The following GUSB variants were observed in gnomAD, a reference collection of about 807,000 sequenced individuals.
The protein encoded by GUSB is beta-glucuronidase.
In GUSB, 51 loss-of-function variants were observed where a neutral mutation model predicts 74.6. The observed-to-expected ratio is 0.68, with a 90% CI of 0.55 to 0.86. The LOEUF (loss-of-function observed/expected upper bound fraction) is 0.86. GUSB is among the 40% of genes least tolerant of loss of function. GUSB has a pLI of 0.00. For missense variants in GUSB, 736 were observed against 853.7 expected (o/e 0.86, Z 1.72); for synonymous variants, 360 against 348.3 (o/e 1.03, Z -0.37).
Position 65,971,499 on chromosome 7 carries a change from C to T in GUSB, c.1392-1133G>A, listed in dbSNP as rs192982652. ...ATCCCAACACTTTGGGAGGCCGAGG[C>T]GGGTGGATCATGAGGTCAAGAGTTT... is the stretch of plus-strand genomic sequence containing the variant. On this transcript the variant is annotated intron_variant, in intron 8 of 11. Coordinates refer to ENST00000304895, the MANE Select transcript of GUSB (RefSeq NM_000181.4). Among the ~76,000 whole-genome samples, 284 of 151,966 alleles carry T rather than the reference C, an allele frequency of 1.9e-3. 3 individuals carry two copies. The highest frequency in any genetic ancestry group is 6.7e-3 in the African/African-American group (276 of 41,464).
At position 65,967,832 on chromosome 7, in the gene GUSB, G is replaced by C; in HGVS notation, c.1552C>G (p.Gln518Glu). 6.2e-7 allele frequency: 1 copy of C among 1,610,226 alleles called. No homozygotes were observed. ...TCAAACTGGGTGGCCAGCTGCAGCT[G>C]AATCAACTCCAGGTGCCCGTAGTCG... is the stretch of plus-strand genomic sequence containing the variant. ...YHDYGHLELI[Q>E]LQLATQFENW... is the part of the protein sequence containing the mutation. Residue 518 changes from glutamine to glutamate, a missense_variant, in exon 10 of 12, where the codon CAG becomes GAG. Gln to Glu is a conservative substitution (Grantham distance 29, BLOSUM62 2). Coordinates refer to ENST00000304895, the MANE Select transcript of GUSB (RefSeq NM_000181.4).
At position 65,960,860 on chromosome 7, in the gene GUSB, C is replaced by T. The variant is rs757993425; in HGVS notation, c.*37G>A. 23 of 1,591,346 alleles carry T rather than the reference C, an allele frequency of 1.4e-5. No homozygotes were observed. The Admixed American group carries it at 3.3e-4, about 23-fold the overall frequency. On this transcript the variant is annotated 3_prime_UTR_variant, in exon 12 of 12. Transcript: ENST00000304895. ...TGCTGCTGTGGAAGTCGCCCTGACT[C>T]GGGGAGGAAGGGACACGCAGGTGGT...
chr7:65,970,910 A>AG (rs1201988668), intron 8 of GUSB, among the ~76,000 whole-genome samples: 2 of 151,460 alleles, frequency 1.3e-5, no homozygotes, highest in Non-Finnish European at 2.9e-5. Context: ...ACAAAAACAA[A>AG]GGGGAAAAAA....
chr7:65,982,022 G>T lies in GUSB; in HGVS notation c.162C>A (p.Asn54Lys). 1 of 1,610,446 alleles carries T rather than the reference G, an allele frequency of 6.2e-7. No individual in the cohort carries two copies. ...LWSFRADFSD[N>K]RRRGFEEQWY... is the part of the protein sequence containing the mutation. ...ACTGCTCCTCGAAGCCCCGGCGTCG[G>T]TTGTCAGAGAAGTCGGCGCGGAAGC... Residue 54 changes from asparagine (N) to lysine (K), a missense_variant, in exon 1 of 12, where the codon AAC (asparagine) becomes AAA (lysine). Asn to Lys is a moderately conservative substitution (Grantham distance 94). Around this residue, in one of 2 missense-constraint regions of GUSB, gnomAD observed 368 missense variants for 363.8 expected, o/e 1.01. Transcript: ENST00000304895.
chr7:65,965,013 G>A (rs1790740632), intron 10 of GUSB, among the ~76,000 whole-genome samples: 1 of 151,998 alleles, frequency 6.6e-6, no homozygotes, highest in African/African-American at 2.4e-5. Flanking sequence ...AAGCGACAGT[G>A]AGCTGTGTTC....
intron 4 of GUSB, among the ~76,000 whole-genome samples, chr7:65,976,490 G>T (rs1470543628): frequency 6.6e-6 from 1 of 151,844 alleles, no homozygotes; most frequent in East Asian, 2.0e-4. Flanking sequence ...CATGCTTGGC[G>T]AATTTTTATA....
intron 11 of GUSB, among the ~76,000 whole-genome samples, chr7:65,963,457 T>C (rs1490866173): frequency 6.6e-6 from 1 of 152,174 alleles, no homozygotes; most frequent in African/African-American, 2.4e-5. Flanking sequence ...GGTAAGTCCA[T>C]AAACTAAGAA....
chr7:65,968,514 C>A (rs1790991324), intron 9 of GUSB, among the ~76,000 whole-genome samples: 1 of 152,212 alleles, frequency 6.6e-6, no homozygotes, highest in African/African-American at 2.4e-5. Flanking sequence ...ACTCCCATCA[C>A]TGGGCTTCCC....
Position 65,964,453 on chromosome 7 carries a change from T to G in GUSB, c.1659A>C (p.Pro553=). 1 of 1,610,898 alleles carries G rather than the reference T, an allele frequency of 6.2e-7. No homozygotes were observed. The highest frequency in any genetic ancestry group is 8.5e-7 in the Non-Finnish European group (1 of 1,179,000). ...GGTACTCTTCAGTGAACATCAGAGG[T>G]GGATCCTAGGATTCAAGGCAAAGAG... ...AETIAGFHQD[P]PLMFTEEYQK... Residue 553 remains proline (P), a synonymous_variant, in exon 11 of 12, where the codon CCA becomes CCC. Transcript: ENST00000304895.
At position 65,976,205 on chromosome 7, in the gene GUSB, G is replaced by A. The variant is rs1333623509; in HGVS notation, c.725-3C>T. 2.5e-6 allele frequency: 4 copies of A among 1,609,104 alleles called. No individual in the cohort carries two copies. In the African/African-American group the frequency reaches 4.0e-5, roughly 16 times the overall value. On this transcript the variant is annotated splice_polypyrimidine_tract_variant and splice_region_variant and intron_variant, in intron 4 of 11. Transcript: ENST00000304895. Reference sequence around the variant, plus strand: ...AGAGATCTGGTAATTCACCAGCCCTGCAAGAAACAAGAGAGACCAGGGCTG... The same window carrying A: ...AGAGATCTGGTAATTCACCAGCCCTACAAGAAACAAGAGAGACCAGGGCTG...
rs767730315 is a variant in GUSB at position 65,967,799 on chromosome 7, A to G, written c.1585T>C (p.Tyr529His). The change falls in exon 10 of 12, where the codon TAT becomes CAT. Residue 529 changes from tyrosine (Y) to histidine (H), a missense_variant. By Grantham distance (83) the Tyr-to-His change is moderately conservative. Transcript: ENST00000304895. Reference protein sequence around the residue: ...LQLATQFENWYKKYQKPIIQS... With the variant: ...LQLATQFENWHKKYQKPIIQS... ...ATAATGGGCTTCTGATACTTCTTATACCAGTTCTCAAACTGGGTGGCCAGC... is the reference window on the plus strand; with the variant it reads ...ATAATGGGCTTCTGATACTTCTTATGCCAGTTCTCAAACTGGGTGGCCAGC... The G allele has an allele frequency of 1.2e-6, 2 of 1,612,492 alleles. No homozygotes were observed. Among genetic ancestry groups the G allele is most frequent in the Non-Finnish European group, 1.7e-6 (2 of 1,179,414 alleles).
intron 1 of GUSB, chr7:65,980,721 C>T (rs1375495111): frequency 7.0e-6 from 3 of 431,008 alleles, no homozygotes; most frequent in Non-Finnish European, 1.3e-5. Flanking sequence ...ATGGCCACTG[C>T]CTGTCACAGG....
In GUSB at chr7:65,975,115, AGCCCCATC is replaced by A. The variant is rs765999415; in HGVS notation, c.913-52_913-45del. ...CAGGTGTGAGCACCCCGACAGCCTG[AGCCCCATC>A]CGGCCTGCCCTCCAGCAGGAAGGCC... On this transcript the variant is annotated intron_variant, in intron 5 of 11. Transcript: ENST00000304895. 6.9e-6 allele frequency: 11 copies of A among 1,600,258 alleles called. No homozygotes were observed. The African/African-American group carries it at 9.4e-5, about 14-fold the overall frequency.
chr7:65,976,024 A>C lies in GUSB; in HGVS notation c.903T>G (p.Tyr301Ter). 4 of 1,613,604 alleles carry C rather than the reference A, an allele frequency of 2.5e-6. No individual in the cohort carries two copies. Among genetic ancestry groups the C allele is most frequent in the Non-Finnish European group, 3.4e-6 (4 of 1,179,924 alleles). The change falls in exon 5 of 12, where the codon TAT becomes TAG. Residue 301 changes from tyrosine to a stop codon, truncating the protein, a stop_gained. Coordinates refer to ENST00000304895, the MANE Select transcript of GUSB (RefSeq NM_000181.4). LOFTEE classifies it high-confidence loss of function. ...CCCAAACCACCATTACCTCCAATGA[A>C]TACAGATAGGCAGGGCGTTCGTGCA... is the stretch of plus-strand genomic sequence containing the variant. ...YLMHERPAYL[Y>*]SLEVQLTAQT...
intron 1 of GUSB, 94 bp downstream of exon 1, chr7:65,981,880 G>A: frequency 8.0e-6 from 9 of 1,128,594 alleles, no homozygotes; most frequent in Non-Finnish European, 1.1e-5. Context: ...CCAGCTCGGA[G>A]ACGCCCAGGG....
rs571704452 is a variant in GUSB at position 65,976,120 on chromosome 7, G to C, written c.807C>G (p.Val269=). 6.2e-7 allele frequency: 1 copy of C among 1,613,690 alleles called. No individual in the cohort carries two copies. Among genetic ancestry groups the C allele is most frequent in the Admixed American group, 1.7e-5 (1 of 59,978 alleles). Residue 269 remains valine (V), a synonymous_variant, in exon 5 of 12, where the codon GTC becomes GTG. Transcript: ENST00000304895. The part of the protein sequence containing the change: ...EVRLLDAENK[V]VANGTGTQGQ... ...CCTGGGTCCCAGTCCCATTCGCCAC[G>C]ACTTTGTTTTCTGCATCCAAAAGAC...
At chr7:65,974,481 G>A (rs111915603) in intron 7 of GUSB, 40 bp from the exon 8 acceptor site, 153 of 1,614,000 alleles carry the variant, frequency 9.5e-5, no homozygotes, top group Non-Finnish European at 1.2e-4. Flanking sequence ...TCACGGTGAC[G>A]CCCCCGGGCT....
rs754950198 is a variant in GUSB at position 65,974,893 on chromosome 7, A to C, written c.1065+26T>G. ...TGGAGGGTGACCAGAAGCAGCCCCG[A>C]CAAGGACCCAGGAGCCCCAACACAC... is the stretch of plus-strand genomic sequence containing the variant. On this transcript the variant is annotated intron_variant, in intron 6 of 11. Transcript: ENST00000304895. 3 of 1,612,228 alleles carry C rather than the reference A, an allele frequency of 1.9e-6. No homozygotes were observed. The Admixed American group carries it at 5.0e-5, about 27-fold the overall frequency.
intron 5 of GUSB, 31 bp from the exon 6 acceptor site, chr7:65,975,102 C>T (rs191679618): frequency 1.2e-6 from 2 of 1,609,160 alleles, no homozygotes; most frequent in East Asian, 2.2e-5. Flanking sequence ...GGTGTGAGCA[C>T]CCCGACAGCC....
Sources: allele counts gnomAD v4.1 joint callset (sites outside exome capture counted in the v4.1 genomes callset), GRCh38; gene constraint gnomAD v4.1.1; regional missense constraint gnomAD v4.1.1; transcripts MANE v1.5; gene names NCBI Gene and HGNC (gene_info 2026-07-23, HGNC 2026-07-21).